The following TMCO4 variants were observed in gnomAD, a reference collection of about 807,000 sequenced individuals.
TMCO4 encodes the protein transmembrane and coiled-coil domain-containing protein 4.
In TMCO4, 58 loss-of-function variants were observed where a neutral mutation model predicts 64.7. The ratio of observed to expected loss-of-function variants is 0.90; its 90% confidence interval spans 0.73 to 1.12. The LOEUF (loss-of-function observed/expected upper bound fraction) is 1.12, where lower values mean the gene tolerates loss of function less well. Among genes scored for constraint, TMCO4 ranks in the 50% most tolerant of loss-of-function variants. The pLI, the probability that TMCO4 is intolerant of heterozygous loss-of-function variation, is 0.00. For synonymous variants in TMCO4, 325 were observed against 346.1 expected, an observed-to-expected ratio of 0.94 and a Z score of 0.68; for missense variants, 780 against 825.9, an observed-to-expected ratio of 0.94 and a Z score of 0.68.
chr1:19,768,792 C>A (rs1022189852), intron 6 of TMCO4, among the ~76,000 whole-genome samples: 10 of 152,200 alleles, frequency 6.6e-5, no homozygotes, highest in African/African-American at 2.4e-4. Flanking sequence ...TGCCTGGATT[C>A]CACGCAGATC....
chr1:19,684,157 G>A (rs571114369), intron 15 of TMCO4, among the ~76,000 whole-genome samples: 5 of 135,768 alleles, frequency 3.7e-5, no homozygotes, highest in African/African-American at 1.1e-4. Flanking sequence ...GAGAGAGATG[G>A]GTTCTCTCTC....
chr1:19,757,276 A>G (rs1382305127), intron 6 of TMCO4, among the ~76,000 whole-genome samples: 1 of 152,116 alleles, frequency 6.6e-6, no homozygotes, highest in African/African-American at 2.4e-5. Flanking sequence ...TTCTAAAATC[A>G]CAGTGTTAGC....
chr1:19,741,694 C>T (rs551258644), intron 10 of TMCO4, among the ~76,000 whole-genome samples: 6 of 151,856 alleles, frequency 4.0e-5, no homozygotes, highest in South Asian at 4.2e-4. Flanking sequence ...CTGGCCCCCA[C>T]GTATTTCTGC....
chr1:19,798,088 T>C (rs577815118), intron 2 of TMCO4, 49 bp downstream of exon 2: 133 of 156,112 alleles, frequency 8.5e-4, no homozygotes, highest in African/African-American at 2.6e-3. Flanking sequence ...TCAGGGCAGC[T>C]TGAAGCGGAG....
intron 13 of TMCO4, among the ~76,000 whole-genome samples, chr1:19,716,843 G>A (rs1033248855): frequency 1.3e-5 from 2 of 152,150 alleles, no homozygotes; most frequent in African/African-American, 4.8e-5. Flanking sequence ...CCCTGTCCCT[G>A]GGCATCCATG....
intron 15 of TMCO4, among the ~76,000 whole-genome samples, chr1:19,686,754 C>T (rs1330900486): frequency 1.3e-5 from 2 of 152,130 alleles, no homozygotes; most frequent in African/African-American, 2.4e-5. Context: ...GGGGTACCAG[C>T]CTTGGCTCTG....
chr1:19,740,025 T>A, intron 11 of TMCO4, 65 bp from the exon 12 acceptor site: 2 of 1,524,836 alleles, frequency 1.3e-6, no homozygotes, highest in Non-Finnish European at 1.8e-6. Context: ...GGGAAGTGAC[T>A]GGCTAACAGA....
At chr1:19,709,748 A>G (rs2095321599) in intron 13 of TMCO4, among the ~76,000 whole-genome samples, 2 of 151,922 alleles carry the variant, frequency 1.3e-5, no homozygotes, top group Admixed American at 1.3e-4. Context: ...TATAAAAACA[A>G]ACAAACAAAA....
At chr1:19,685,067 A>C (rs376672680) in intron 15 of TMCO4, among the ~76,000 whole-genome samples, 1 of 152,188 alleles carries the variant, frequency 6.6e-6, no homozygotes, top group African/African-American at 2.4e-5. Context: ...TCTCACCTCT[A>C]TAATCCCAGC....
chr1:19,797,270 A>G (rs2044352195), intron 2 of TMCO4, among the ~76,000 whole-genome samples: 1 of 152,202 alleles, frequency 6.6e-6, no homozygotes, highest in East Asian at 1.9e-4. Flanking sequence ...CAATGAGAGT[A>G]TAATTCCACC....
At chr1:19,744,858 C>A (rs1056432025) in intron 10 of TMCO4, among the ~76,000 whole-genome samples, 1 of 152,222 alleles carries the variant, frequency 6.6e-6, no homozygotes, top group African/African-American at 2.4e-5. Context: ...TGTCTTCTAT[C>A]TTGGGCTGTA....
intron 10 of TMCO4, among the ~76,000 whole-genome samples, chr1:19,741,521 C>T (rs2095478930): frequency 6.6e-6 from 1 of 152,090 alleles, no homozygotes; most frequent in African/African-American, 2.4e-5. Flanking sequence ...AATTTTCTCA[C>T]TGAGGAAATA....
intron 3 of TMCO4, among the ~76,000 whole-genome samples, chr1:19,786,093 T>A (rs575883967): frequency 5.9e-5 from 9 of 152,072 alleles, no homozygotes; most frequent in Non-Finnish European, 1.2e-4. Context: ...AATAATATTT[T>A]AAAAATTAGC....
intron 7 of TMCO4, among the ~76,000 whole-genome samples, chr1:19,755,292 A>G (rs1422965628): frequency 6.6e-6 from 1 of 152,110 alleles, no homozygotes; most frequent in African/African-American, 2.4e-5. Context: ...TGCCCGGCTA[A>G]TTTTTGTATT....
chr1:19,700,821 A>G lies in TMCO4; in HGVS notation c.1329T>C (p.His443=), dbSNP rs376478173. 2.8e-5 allele frequency: 46 copies of G among 1,614,074 alleles called. No individual in the cohort carries two copies. Among genetic ancestry groups the G allele is most frequent in the East Asian group, 8.9e-5 (4 of 44,888 alleles). ...ACACCACCTTCCGGAAAGGCTCCCA[A>G]TGCTTGGCTTCTCCCTCCACAGGCG... is the stretch of plus-strand genomic sequence containing the variant. ...LGAPVEGEAK[H]WEPFRKVVSG... The change falls in exon 14 of 16, where the codon CAT becomes CAC. Residue 443 remains histidine (H), a synonymous_variant. Coordinates refer to ENST00000294543, the MANE Select transcript of TMCO4 (RefSeq NM_181719.7).
At chr1:19,688,075 G>C (rs1009812991) in intron 15 of TMCO4, among the ~76,000 whole-genome samples, 7 of 152,164 alleles carry the variant, frequency 4.6e-5, no homozygotes, top group Non-Finnish European at 1.0e-4. Flanking sequence ...CATCTCCCAG[G>C]CTGTCTTGAT....
At chr1:19,763,264 T>G (rs567385267) in intron 6 of TMCO4, among the ~76,000 whole-genome samples, 1 of 152,174 alleles carries the variant, frequency 6.6e-6, no homozygotes, top group South Asian at 2.1e-4. Context: ...TTAGTACTGA[T>G]GGGGTTTCAC....
chr1:19,744,182 T>C (rs2100866736), intron 10 of TMCO4, among the ~76,000 whole-genome samples: 1 of 152,244 alleles, frequency 6.6e-6, no homozygotes, highest in African/African-American at 2.4e-5. Flanking sequence ...GCACCCACCC[T>C]GCTCTTTTTC....
chr1:19,778,544 C>A (rs1303632965), intron 4 of TMCO4, among the ~76,000 whole-genome samples: 1 of 152,168 alleles, frequency 6.6e-6, no homozygotes, highest in East Asian at 1.9e-4. Flanking sequence ...GGATTACAGG[C>A]GTGAGCCACT....
Sources: allele counts gnomAD v4.1 joint callset (sites outside exome capture counted in the v4.1 genomes callset), GRCh38; gene constraint gnomAD v4.1.1; transcripts MANE v1.5; gene names NCBI Gene and HGNC (gene_info 2026-07-23, HGNC 2026-07-21).